The following DNAH9 variants were observed in gnomAD, a reference collection of about 807,000 sequenced individuals.
DNAH9 encodes the protein DNAH9 variant protein.
In DNAH9, 345 loss-of-function variants were observed where a neutral mutation model predicts 471.6. The observed-to-expected ratio is 0.73, with a 90% CI of 0.67 to 0.80. DNAH9 has a LOEUF of 0.80. DNAH9 is among the 30% of genes least tolerant of loss of function. The probability of loss-of-function intolerance (pLI) is 0.00; values close to 1 mark genes in which losing one functional copy is unlikely to be tolerated. For synonymous variants in DNAH9, 2,093 were observed against 2,123.6 expected (o/e 0.99, Z 0.40); for missense variants, 5,407 against 5,609.2 (o/e 0.96, Z 1.15).
intron 55 of DNAH9, chr17:11,882,925 C>T: frequency 1.0e-6 from 1 of 985,448 alleles, no homozygotes; most frequent in South Asian, 4.7e-5. Context: ...CAAGAAAGGT[C>T]AGGGTGGCTG....
chr17:11,838,318 G>A (rs1473602377), intron 49 of DNAH9, among the ~76,000 whole-genome samples: 1 of 152,172 alleles, frequency 6.6e-6, no homozygotes, highest in Non-Finnish European at 1.5e-5. Flanking sequence ...GGCATGAAAT[G>A]GGCATGTGTT....
chr17:11,905,174 T>C (rs11078044), intron 60 of DNAH9, among the ~76,000 whole-genome samples: 117,004 of 151,010 alleles, frequency 0.77, 47,043 homozygotes, highest in Non-Finnish European at 0.89. Flanking sequence ...GCAGAGGTTG[T>C]AGTGAGCTGA....
At chr17:11,727,976 A>T (rs2150814758) in intron 28 of DNAH9, 54 bp downstream of exon 28, 1 of 1,137,544 alleles carries the variant, frequency 8.8e-7, no homozygotes, top group South Asian at 1.2e-5. Flanking sequence ...ATTACTGCGG[A>T]AGTCTATGTC....
chr17:11,877,752 G>A (rs1185724157), intron 53 of DNAH9, among the ~76,000 whole-genome samples: 12 of 152,158 alleles, frequency 7.9e-5, no homozygotes, highest in Admixed American at 7.9e-4. Context: ...GTTGAGAAGT[G>A]AATGCCAAGG....
intron 1 of DNAH9, among the ~76,000 whole-genome samples, chr17:11,604,215 G>T (rs1421669986): frequency 1.3e-5 from 2 of 152,146 alleles, no homozygotes; most frequent in Non-Finnish European, 1.5e-5. Context: ...TAGAGATGGG[G>T]TTTCTACTCT....
Position 11,827,835 on chromosome 17 carries a change from G to A in DNAH9, c.9246+4801G>A, listed in dbSNP as rs1014284636. On this transcript the variant is annotated intron_variant, in intron 48 of 68. Coordinates refer to ENST00000262442, the MANE Select transcript of DNAH9 (RefSeq NM_001372.4). Reference sequence around the variant, plus strand: ...CAAGTAGCTGGGATTACAGGCATGCGCCACCACACCCGGCTAATTTTTGTA... The same window carrying A: ...CAAGTAGCTGGGATTACAGGCATGCACCACCACACCCGGCTAATTTTTGTA... Among the ~76,000 whole-genome samples, 10 of 151,992 alleles carry A rather than the reference G, an allele frequency of 6.6e-5. 1 individual carries two copies. Among genetic ancestry groups the A allele is most frequent in the Admixed American group, 3.3e-4 (5 of 15,250 alleles).
At chr17:11,651,755 C>T (rs1373829810) in intron 13 of DNAH9, among the ~76,000 whole-genome samples, 3 of 152,188 alleles carry the variant, frequency 2.0e-5, no homozygotes, top group Non-Finnish European at 4.4e-5. Context: ...GCGCAGGGTA[C>T]TGTGTGACAA....
rs725362 is a variant in DNAH9, at chr17:11,651,541, T to C, written c.2353+217T>C. ...TAGTTGATAAATTTAGAAAACCTTG[T>C]TGCCATGCATGTTGGGAGGCTCAGA... On this transcript the variant is annotated intron_variant, in intron 13 of 68. Coordinates refer to ENST00000262442, the MANE Select transcript of DNAH9 (RefSeq NM_001372.4). Among the ~76,000 whole-genome samples the C allele has an allele frequency of 0.97, 147,497 of 152,200 alleles. 71,543 individuals are homozygous for C. The highest frequency in any genetic ancestry group is 0.99 in the Non-Finnish European group (67,484 of 68,026).
At chr17:11,756,274 CAAAAAAAA>C (rs5819339) in intron 33 of DNAH9, among the ~76,000 whole-genome samples, 1 of 135,650 alleles carries the variant, frequency 7.4e-6, no homozygotes, top group Non-Finnish European at 1.6e-5. Context: ...GAGACTCTGT[CAAAAAAAA>C]AAAAAAAAAA....
intron 1 of DNAH9, among the ~76,000 whole-genome samples, chr17:11,601,693 G>A (rs1008530437): frequency 6.6e-6 from 1 of 152,000 alleles, no homozygotes; most frequent in Non-Finnish European, 1.5e-5. Context: ...CCTCCCATCT[G>A]CTAAGACCCT....
At chr17:11,820,260 C>T (rs1372674707) in intron 45 of DNAH9, among the ~76,000 whole-genome samples, 1 of 151,868 alleles carries the variant, frequency 6.6e-6, no homozygotes, top group Non-Finnish European at 1.5e-5. Context: ...AGGGTTTACA[C>T]TTGGTCATCA....
In DNAH9 at chr17:11,705,163, G is replaced by T. The variant is rs752444823; in HGVS notation, c.5530G>T (p.Val1844Leu). The change falls in exon 26 of 69, where the codon GTG becomes TTG. Residue 1844 changes from valine to leucine, a missense_variant. By Grantham distance (32) the Val-to-Leu change is conservative. This residue lies in a region of DNAH9 where 4,636 missense variants were observed against 4,900.3 expected (regional missense o/e 0.95). Coordinates refer to ENST00000262442, the MANE Select transcript of DNAH9 (RefSeq NM_001372.4). ...YEYLGNTPRL[V>L]ITPLTDRCYI... is the part of the protein sequence containing the mutation. ...GTACCTGGGAAACACACCTCGCTTG[G>T]TGATCACACCTTTGACTGACAGGTG... The T allele has an allele frequency of 1.2e-6, 2 of 1,614,160 alleles. No homozygotes were observed. Among genetic ancestry groups the T allele is most frequent in the Admixed American group, 3.3e-5 (2 of 60,024 alleles).
intron 15 of DNAH9, among the ~76,000 whole-genome samples, chr17:11,666,942 A>C (rs1416895971): frequency 6.6e-6 from 1 of 152,162 alleles, no homozygotes; most frequent in South Asian, 2.1e-4. Flanking sequence ...TCATCTCTCA[A>C]CCCAAACCCT....
At chr17:11,787,197 A>G (rs1378915658) in intron 41 of DNAH9, among the ~76,000 whole-genome samples, 1 of 152,254 alleles carries the variant, frequency 6.6e-6, no homozygotes, top group African/African-American at 2.4e-5. Context: ...CTGGACAGAA[A>G]AGTGAAAGTG....
intron 49 of DNAH9, among the ~76,000 whole-genome samples, chr17:11,836,642 T>C (rs986938734): frequency 5.8e-4 from 88 of 152,292 alleles, no homozygotes; most frequent in Middle Eastern, 3.4e-3. Context: ...TTAATTAGAC[T>C]GTACCCACCC....
intron 62 of DNAH9, among the ~76,000 whole-genome samples, chr17:11,924,773 A>G (rs926695014): frequency 6.6e-6 from 1 of 151,766 alleles, no homozygotes; most frequent in African/African-American, 2.4e-5. Context: ...ACAGGAGCGT[A>G]CCACCACGCC....
chr17:11,923,676 C>CAGT (rs1974216493), intron 61 of DNAH9, 138 bp from the exon 62 acceptor site: 1 of 964,172 alleles, frequency 1.0e-6, no homozygotes, highest in African/African-American at 1.7e-5. Context: ...GGAAAAGGGT[C>CAGT]AGTATATGAG....
chr17:11,807,675 G>T (rs1969740918), intron 43 of DNAH9, 57 bp from the exon 44 acceptor site: 1 of 1,550,642 alleles, frequency 6.4e-7, no homozygotes, highest in Non-Finnish European at 8.8e-7. Flanking sequence ...CTTTATACAT[G>T]CTTCTGACTG....
chr17:11,606,174 T>C (rs1451929414), intron 1 of DNAH9, among the ~76,000 whole-genome samples: 1 of 152,160 alleles, frequency 6.6e-6, no homozygotes, highest in Non-Finnish European at 1.5e-5. Flanking sequence ...TCAGTGAATG[T>C]TTCCAGACAG....
Sources: gnomAD v4.1 joint callset for allele counts (sites outside exome capture counted in the v4.1 genomes callset) on GRCh38, gnomAD v4.1.1 for gene constraint, gnomAD v4.1.1 regional missense constraint, MANE v1.5 for transcripts, NCBI Gene and HGNC (gene_info 2026-07-23, HGNC 2026-07-21) for gene names.